GRIN2A: variants seen among roughly 807,000 people sequenced by gnomAD.
The protein encoded by GRIN2A is glutamate ionotropic receptor NMDA type subunit 2A.
In GRIN2A, 22 loss-of-function variants were observed where a neutral mutation model predicts 113.4. That is an observed-to-expected ratio of 0.19 (90% CI 0.14 to 0.28). The LOEUF is 0.28. Ranked by LOEUF, GRIN2A falls within the 10% of genes least tolerant of loss-of-function variation. GRIN2A has a pLI of 1.00. For synonymous variants in GRIN2A, 827 were observed against 738.4 expected, an observed-to-expected ratio of 1.12 and a Z score of -1.94; for missense variants, 1,502 against 1,887.0, an observed-to-expected ratio of 0.80 and a Z score of 3.78.
chr16:10,143,207 A>T (rs937421611), intron 2 of GRIN2A, among the ~76,000 whole-genome samples: 5 of 152,184 alleles, frequency 3.3e-5, no homozygotes, highest in Admixed American at 2.6e-4. Flanking sequence ...GAAAACAAGG[A>T]CACTGTAAGA....
intron 7 of GRIN2A, among the ~76,000 whole-genome samples, chr16:9,838,492 T>C (rs985505049): frequency 6.6e-6 from 1 of 152,200 alleles, no homozygotes; most frequent in Non-Finnish European, 1.5e-5. Flanking sequence ...CAATGTCTTT[T>C]GCAGCAACTT....
Position 10,034,192 on chromosome 16 carries a change from G to A in GRIN2A, c.415-95641C>T, listed in dbSNP as rs192551113. On this transcript the variant is annotated intron_variant, in intron 2 of 12. Transcript: ENST00000330684. ...AAGGCTTTGTGTTTATCTGCCTTCA[G>A]ACTGGTCAGTGATCAGGGAAGCTTA... Among the ~76,000 whole-genome samples the A allele has an allele frequency of 2.1e-3, 314 of 152,188 alleles. 6 individuals are homozygous for A. Among genetic ancestry groups the A allele is most frequent in the Admixed American group, 0.018 (282 of 15,274 alleles).
At chr16:10,061,835 T>C (rs543146138) in intron 2 of GRIN2A, among the ~76,000 whole-genome samples, 141 of 152,234 alleles carry the variant, frequency 9.3e-4, no homozygotes, top group African/African-American at 3.2e-3. Flanking sequence ...CCTCCAAAAG[T>C]GGCAGAGGGG....
intron 5 of GRIN2A, among the ~76,000 whole-genome samples, chr16:9,846,836 A>C (rs2141360978): frequency 6.6e-6 from 1 of 152,352 alleles, no homozygotes; most frequent in African/African-American, 2.4e-5. Context: ...AGTTTCCAAC[A>C]GCAGGCCTTT....
At chr16:9,971,962 C>T (rs547002366) in intron 2 of GRIN2A, among the ~76,000 whole-genome samples, 4 of 152,176 alleles carry the variant, frequency 2.6e-5, no homozygotes, top group Admixed American at 6.5e-5. Context: ...AAAATGGCAC[C>T]GGGTGGCTCA....
intron 2 of GRIN2A, among the ~76,000 whole-genome samples, chr16:10,175,419 T>G (rs527684713): frequency 8.5e-5 from 13 of 152,276 alleles, no homozygotes; most frequent in African/African-American, 2.4e-4. Context: ...CCATATATAC[T>G]ATAAAATCCT....
chr16:10,086,769 G>GTCT (rs1567288502), intron 2 of GRIN2A, among the ~76,000 whole-genome samples: 1 of 152,184 alleles, frequency 6.6e-6, no homozygotes, highest in East Asian at 1.9e-4. Flanking sequence ...CCTCGGGGAA[G>GTCT]AGCAAGCCGC....
At chr16:10,051,872 T>C (rs1272140142) in intron 2 of GRIN2A, among the ~76,000 whole-genome samples, 1 of 152,176 alleles carries the variant, frequency 6.6e-6, no homozygotes, top group Non-Finnish European at 1.5e-5. Flanking sequence ...AGCAGAAGGG[T>C]AATGGGATTA....
intron 2 of GRIN2A, among the ~76,000 whole-genome samples, chr16:10,047,159 G>A (rs894945258): frequency 6.6e-6 from 1 of 152,154 alleles, no homozygotes; most frequent in Non-Finnish European, 1.5e-5. Context: ...GTGACATACA[G>A]ATAAAAAGAT....
intron 7 of GRIN2A, among the ~76,000 whole-genome samples, chr16:9,837,745 A>G (rs748817121): frequency 4.6e-5 from 7 of 152,184 alleles, no homozygotes; most frequent in African/African-American, 1.4e-4. Flanking sequence ...TGTGTTGTCA[A>G]TATCAGCTGG....
At chr16:10,170,748 A>C (rs1030007419) in intron 2 of GRIN2A, among the ~76,000 whole-genome samples, 3 of 151,992 alleles carry the variant, frequency 2.0e-5, no homozygotes, top group African/African-American at 7.3e-5. Context: ...ATCATGGCAC[A>C]CGCCTGTGTT....
intron 2 of GRIN2A, among the ~76,000 whole-genome samples, chr16:10,148,356 G>C (rs2049489896): frequency 6.6e-6 from 1 of 152,126 alleles, no homozygotes; most frequent in African/African-American, 2.4e-5. Context: ...TAAGTTATCA[G>C]TTAATCATAT....
At chr16:9,920,118 T>C (rs2044330814) in intron 3 of GRIN2A, among the ~76,000 whole-genome samples, 1 of 152,244 alleles carries the variant, frequency 6.6e-6, no homozygotes, top group African/African-American at 2.4e-5. Flanking sequence ...TGCTTTTTTC[T>C]GTTTTGTGCG....
At chr16:10,118,892 A>G (rs998841160) in intron 2 of GRIN2A, among the ~76,000 whole-genome samples, 1 of 152,224 alleles carries the variant, frequency 6.6e-6, no homozygotes, top group Non-Finnish European at 1.5e-5. Context: ...AGATCAGCAT[A>G]AACAAAGTCA....
chr16:9,997,567 T>C (rs1040072690), intron 2 of GRIN2A, among the ~76,000 whole-genome samples: 3 of 152,182 alleles, frequency 2.0e-5, no homozygotes, highest in African/African-American at 4.8e-5. Flanking sequence ...TCTCAACTCA[T>C]CCCCAACATC....
chr16:10,162,114 C>A (rs939941083), intron 2 of GRIN2A, among the ~76,000 whole-genome samples: 1 of 152,132 alleles, frequency 6.6e-6, no homozygotes, highest in African/African-American at 2.4e-5. Context: ...CCCCCTAGGA[C>A]TATTTGAGTA....
intron 3 of GRIN2A, among the ~76,000 whole-genome samples, chr16:9,910,835 G>A (rs569409356): frequency 4.6e-5 from 7 of 152,198 alleles, no homozygotes; most frequent in Non-Finnish European, 7.4e-5. Context: ...ACTGCACCCA[G>A]CCTTAGAGTT....
rs368978744 is a variant in GRIN2A at position 10,134,409 on chromosome 16, T to C, written c.414+45589A>G. ...CCTGTAGAATTTGGGGAGTATATCATAGGTGATAATTGAACAATGAGAACA... is the reference window on the plus strand; with the variant it reads ...CCTGTAGAATTTGGGGAGTATATCACAGGTGATAATTGAACAATGAGAACA... On this transcript the variant is annotated intron_variant, in intron 2 of 12. Coordinates refer to ENST00000330684, the MANE Select transcript of GRIN2A (RefSeq NM_001134407.3). Among the ~76,000 whole-genome samples, 3 of 144,204 alleles carry C rather than the reference T, an allele frequency of 2.1e-5. No individual in the cohort carries two copies. In the East Asian group the frequency reaches 6.1e-4, roughly 29 times the overall value. 94.6% of individuals were successfully genotyped at this position (144,204 alleles called of 152,430 possible). A position where few individuals can be genotyped will look rare whatever the true frequency, so the allele number is the denominator to read the frequency against.
intron 2 of GRIN2A, among the ~76,000 whole-genome samples, chr16:10,133,128 A>G (rs1222765676): frequency 6.6e-6 from 1 of 152,222 alleles, no homozygotes; most frequent in Non-Finnish European, 1.5e-5. Flanking sequence ...TGGATCCATA[A>G]CTTAATCACA....
Sources: allele counts gnomAD v4.1 joint callset (sites outside exome capture counted in the v4.1 genomes callset), GRCh38; gene constraint gnomAD v4.1.1; transcripts MANE v1.5; gene names NCBI Gene and HGNC (gene_info 2026-07-23, HGNC 2026-07-21).